Variants in CAB39L observed in about 807,000 individuals in gnomAD.
CAB39L encodes calcium-binding protein 39-like.
Under a neutral mutation model 39.1 loss-of-function variants are expected in CAB39L, and 23 were observed. That is an observed-to-expected ratio of 0.59 (90% CI 0.42 to 0.83). The LOEUF is 0.83. Among genes scored for constraint, CAB39L ranks in the 40% least tolerant of loss-of-function variants. The probability of loss-of-function intolerance (pLI) is 0.00; values close to 1 mark genes in which losing one functional copy is unlikely to be tolerated. For missense variants in CAB39L, 366 were observed against 391.9 expected, an observed-to-expected ratio of 0.93 and a Z score of 0.56; for synonymous variants, 126 against 137.2, an observed-to-expected ratio of 0.92 and a Z score of 0.57.
chr13:49,401,495 AGCTT>A (rs1034715116), intron 3 of CAB39L: 1 of 152,192 alleles, frequency 6.6e-6, no homozygotes, highest in African/African-American at 2.4e-5. Context: ...TGGTCAAACC[AGCTT>A]GCTTATGCGT....
Position 49,357,805 on chromosome 13 carries a change from A to C in CAB39L, c.395+1909T>G, listed in dbSNP as rs150477404. On this transcript the variant is annotated intron_variant, in intron 6 of 10. Coordinates refer to ENST00000409308, the MANE Select transcript of CAB39L (RefSeq NM_001079670.3). Reference sequence around the variant, plus strand: ...TCATGTCTAGTCCCTGGATGACTCCATGTTGCCTACAGAATGACATTCAAA... The same window carrying C: ...TCATGTCTAGTCCCTGGATGACTCCCTGTTGCCTACAGAATGACATTCAAA... Among the ~76,000 whole-genome samples the C allele has an allele frequency of 2.2e-4, 34 of 152,286 alleles. No homozygotes were observed. In the East Asian group the frequency reaches 5.4e-3, roughly 24 times the overall value.
chr13:49,374,817 G>C (rs1214717246), intron 5 of CAB39L, among the ~76,000 whole-genome samples: 2 of 152,128 alleles, frequency 1.3e-5, no homozygotes, highest in Admixed American at 6.5e-5. Context: ...ACCATCCTTA[G>C]TCATATTCCT....
intron 5 of CAB39L, among the ~76,000 whole-genome samples, chr13:49,373,915 G>A (rs908149141): frequency 2.0e-5 from 3 of 152,196 alleles, no homozygotes; most frequent in African/African-American, 7.2e-5. Flanking sequence ...GTTGCTGCCT[G>A]CAGGCTGATC....
chr13:49,377,853 A>ATC (rs1956123667), intron 4 of CAB39L, among the ~76,000 whole-genome samples: 1 of 65,684 alleles, frequency 1.5e-5, no homozygotes, highest in Non-Finnish European at 3.0e-5. Context: ...CTGGCTGCCC[A>ATC]GTCTGGAAAG....
chr13:49,381,175 A>C (rs535665854), intron 4 of CAB39L, among the ~76,000 whole-genome samples: 5 of 152,210 alleles, frequency 3.3e-5, no homozygotes, highest in Admixed American at 6.5e-5. Context: ...TGATCTGCCC[A>C]CCTCAGCCTC....
At chr13:49,421,629 C>T (rs1414298313) in intron 3 of CAB39L, among the ~76,000 whole-genome samples, 2 of 152,140 alleles carry the variant, frequency 1.3e-5, no homozygotes, top group Non-Finnish European at 2.9e-5. Context: ...GCCTCCCCTC[C>T]ACATGGTGTC....
intron 5 of CAB39L, among the ~76,000 whole-genome samples, chr13:49,366,654 T>A (rs1254509804): frequency 1.0e-4 from 13 of 128,266 alleles, no homozygotes; most frequent in African/African-American, 8.9e-5. Flanking sequence ...AAAAAACCCA[T>A]GCTCTCCAAA....
intron 3 of CAB39L, chr13:49,413,605 T>C (rs1397658572): frequency 6.6e-6 from 1 of 151,710 alleles, no homozygotes; most frequent in Non-Finnish European, 1.5e-5. Flanking sequence ...TGAGGTGGAG[T>C]GGTGGACAGG....
At chr13:49,424,160 C>A (rs1473708794) in intron 3 of CAB39L, among the ~76,000 whole-genome samples, 3 of 152,156 alleles carry the variant, frequency 2.0e-5, no homozygotes, top group African/African-American at 4.8e-5. Flanking sequence ...TTCCAGAGAG[C>A]AGCATGAAAA....
intron 4 of CAB39L, among the ~76,000 whole-genome samples, chr13:49,380,520 G>T (rs1467559193): frequency 6.6e-6 from 1 of 152,200 alleles, no homozygotes; most frequent in Non-Finnish European, 1.5e-5. Flanking sequence ...AATAAGTAAT[G>T]ACTACTAATG....
At chr13:49,404,599 T>G (rs1041141346) in intron 3 of CAB39L, among the ~76,000 whole-genome samples, 1 of 152,082 alleles carries the variant, frequency 6.6e-6, no homozygotes, top group Non-Finnish European at 1.5e-5. Flanking sequence ...AAGGAACCAG[T>G]GACCAATTCT....
chr13:49,436,553 C>CT lies in CAB39L; in HGVS notation c.-245-2331dup, dbSNP rs57141770. Among the ~76,000 whole-genome samples the CT allele has an allele frequency of 2.1e-3, 153 of 73,466 alleles. 15 individuals are homozygous for CT. Among genetic ancestry groups the CT allele is most frequent in the Non-Finnish European group, 2.5e-3 (107 of 42,616 alleles). The allele number at this position is 73,466 out of a possible 152,430, so 48.2% of individuals were successfully genotyped here. A position where few individuals can be genotyped will look rare whatever the true frequency, so the allele number is the denominator to read the frequency against. ...TTTAGCTTCATTTCTTTCTTTATGA[C>CT]TTTTTTTTTTTTTTTTTTTTTTTTT... On this transcript the variant is annotated intron_variant, in intron 1 of 10. Coordinates refer to ENST00000409308, the MANE Select transcript of CAB39L (RefSeq NM_001079670.3).
At chr13:49,398,199 T>C (rs946539700) in intron 3 of CAB39L, among the ~76,000 whole-genome samples, 2 of 152,122 alleles carry the variant, frequency 1.3e-5, no homozygotes, top group Non-Finnish European at 1.5e-5. Flanking sequence ...AGGGACTATA[T>C]GAGTTTCTGC....
rs1235025302 is a variant in CAB39L, at chr13:49,332,047, A to G, written c.734T>C (p.Met245Thr). ...LILDRHNFAI[M>T]TKYISKPENL... ...CTCCGGCTTGCTGATATACTTTGTC[A>G]TGATGGCAAAGTTGTGACGGTCCAG... Residue 245 changes from methionine to threonine, a missense_variant, in exon 10 of 11, where the codon ATG (methionine) becomes ACG (threonine). Transcript: ENST00000409308. 1.9e-6 allele frequency: 3 copies of G among 1,614,152 alleles called. No homozygotes were observed. The highest frequency in any genetic ancestry group is 1.1e-5 in the South Asian group (1 of 91,076).
intron 5 of CAB39L, among the ~76,000 whole-genome samples, chr13:49,375,910 T>A (rs111739187): frequency 0.01 from 1,595 of 152,180 alleles, 11 homozygotes; most frequent in South Asian, 0.036. Flanking sequence ...ACTGAAAGGA[T>A]GAGCTGAAGT....
chr13:49,315,103 A>G (rs149946399), intron 10 of CAB39L, among the ~76,000 whole-genome samples: 2 of 152,346 alleles, frequency 1.3e-5, no homozygotes, highest in African/African-American at 4.8e-5. Flanking sequence ...TGGCCAATTT[A>G]GTTCTGAAAT....
intron 10 of CAB39L, among the ~76,000 whole-genome samples, chr13:49,326,574 C>T (rs990096095): frequency 6.6e-6 from 1 of 152,148 alleles, no homozygotes; most frequent in African/African-American, 2.4e-5. Context: ...GGAAAAAAAC[C>T]TATTAATTAA....
At chr13:49,420,773 G>C (rs970475751) in intron 3 of CAB39L, among the ~76,000 whole-genome samples, 3 of 152,174 alleles carry the variant, frequency 2.0e-5, no homozygotes, top group Non-Finnish European at 4.4e-5. Flanking sequence ...CTAAGCATCA[G>C]TATTACTGTT....
At chr13:49,423,377 A>G (rs1197731020) in intron 3 of CAB39L, among the ~76,000 whole-genome samples, 1 of 152,160 alleles carries the variant, frequency 6.6e-6, no homozygotes, top group Non-Finnish European at 1.5e-5. Flanking sequence ...TGGAAGCCTA[A>G]CTCTAGTGAA....
Sources: gnomAD v4.1 joint callset for allele counts (sites outside exome capture counted in the v4.1 genomes callset) on GRCh38, gnomAD v4.1.1 for gene constraint, MANE v1.5 for transcripts, NCBI Gene and HGNC (gene_info 2026-07-23, HGNC 2026-07-21) for gene names.